Variants in PDE4D observed in about 807,000 individuals in gnomAD.
The protein encoded by PDE4D is phosphodiesterase 4D.
Under a neutral mutation model 87.4 loss-of-function variants are expected in PDE4D, and 24 were observed. The observed-to-expected ratio is 0.27, with a 90% CI of 0.20 to 0.39. The LOEUF (loss-of-function observed/expected upper bound fraction) is 0.39. Among genes scored for constraint, PDE4D ranks in the 10% least tolerant of loss-of-function variants. The pLI is 1.00. For missense variants in PDE4D, 714 were observed against 1,041.0 expected, an observed-to-expected ratio of 0.69 and a Z score of 4.32; for synonymous variants, 384 against 383.2, an observed-to-expected ratio of 1.00 and a Z score of -0.02.
intron 1 of PDE4D, among the ~76,000 whole-genome samples, chr5:60,280,951 C>T (rs1751832626): frequency 6.6e-6 from 1 of 152,218 alleles, no homozygotes. Flanking sequence ...ACATTAAGTT[C>T]ACCATTACTG....
chr5:59,739,261 A>G (rs1177607447), intron 1 of PDE4D, among the ~76,000 whole-genome samples: 3 of 152,094 alleles, frequency 2.0e-5, no homozygotes, highest in Non-Finnish European at 4.4e-5. Flanking sequence ...TTTTACTAAA[A>G]ATACAAAAAT....
At chr5:59,172,333 A>G (rs979378135) in intron 5 of PDE4D, among the ~76,000 whole-genome samples, 12 of 133,546 alleles carry the variant, frequency 9.0e-5, no homozygotes, top group African/African-American at 3.3e-4. Flanking sequence ...TATAATATAT[A>G]ATATATTATA....
chr5:59,526,107 A>G (rs1219108648), intron 1 of PDE4D, among the ~76,000 whole-genome samples: 2 of 152,214 alleles, frequency 1.3e-5, no homozygotes, highest in East Asian at 3.8e-4. Context: ...GTGATGCACA[A>G]TGGAGCAATG....
chr5:59,063,305 T>A (rs1763426666), intron 5 of PDE4D: 1 of 152,196 alleles, frequency 6.6e-6, no homozygotes, highest in Non-Finnish European at 1.5e-5. Flanking sequence ...ATTTGGCAAG[T>A]TAGTTCACTC....
intron 6 of PDE4D, among the ~76,000 whole-genome samples, chr5:58,998,351 T>G (rs1451952668): frequency 6.6e-6 from 1 of 152,148 alleles, no homozygotes; most frequent in Non-Finnish European, 1.5e-5. Context: ...ACATCAGTTG[T>G]GAGCTGGCTA....
chr5:60,237,884 T>C (rs949315662), intron 1 of PDE4D, among the ~76,000 whole-genome samples: 7 of 151,862 alleles, frequency 4.6e-5, no homozygotes, highest in Non-Finnish European at 7.4e-5. Context: ...TATGAATCTT[T>C]AATTATTATC....
chr5:59,673,337 A>G (rs1747525726), intron 1 of PDE4D, among the ~76,000 whole-genome samples: 1 of 152,188 alleles, frequency 6.6e-6, no homozygotes. Flanking sequence ...AAGCAAGTAT[A>G]AGATGTTTCC....
At chr5:59,986,632 T>C (rs1161058325) in intron 3 of PDE4D, 2 of 152,196 alleles carry the variant, frequency 1.3e-5, no homozygotes, top group African/African-American at 4.8e-5. Context: ...CAGGACTGTG[T>C]CAATTAAATA....
chr5:59,270,811 A>G (rs1581698813), intron 1 of PDE4D, among the ~76,000 whole-genome samples: 1 of 152,306 alleles, frequency 6.6e-6, no homozygotes, highest in East Asian at 1.9e-4. Context: ...CAAGCTGAAG[A>G]ACCAGAGCAC....
At chr5:60,367,788 G>A (rs1184209054) in intron 1 of PDE4D, among the ~76,000 whole-genome samples, 2 of 152,160 alleles carry the variant, frequency 1.3e-5, no homozygotes, top group Non-Finnish European at 2.9e-5. Flanking sequence ...GAGCCCATCA[G>A]AAGGACACAG....
At chr5:60,004,640 C>T (rs1284595251) in intron 2 of PDE4D, among the ~76,000 whole-genome samples, 1 of 151,974 alleles carries the variant, frequency 6.6e-6, no homozygotes, top group African/African-American at 2.4e-5. Flanking sequence ...CTCCAATAAC[C>T]CATTTTAAAA....
intron 5 of PDE4D, among the ~76,000 whole-genome samples, chr5:59,154,608 C>T (rs1349216739): frequency 2.6e-5 from 4 of 152,030 alleles, no homozygotes; most frequent in African/African-American, 4.8e-5. Context: ...CATTTGGGGC[C>T]GAGCATGGTG....
chr5:59,561,876 G>C (rs565567331), intron 1 of PDE4D, among the ~76,000 whole-genome samples: 1 of 151,006 alleles, frequency 6.6e-6, no homozygotes, highest in Non-Finnish European at 1.5e-5. Flanking sequence ...ATGTTGCAGT[G>C]AGCTGAGATC....
chr5:59,235,679 G>A (rs535639385), intron 1 of PDE4D, among the ~76,000 whole-genome samples: 6 of 152,236 alleles, frequency 3.9e-5, no homozygotes, highest in South Asian at 2.1e-4. Context: ...TTCTCTAGCC[G>A]AGCACAATGT....
chr5:59,940,298 G>C (rs996172989), intron 3 of PDE4D, among the ~76,000 whole-genome samples: 3 of 152,138 alleles, frequency 2.0e-5, no homozygotes, highest in African/African-American at 7.2e-5. Flanking sequence ...GATTAGATTT[G>C]AATTTCAAAG....
chr5:58,980,361 C>CT (rs576046498), intron 11 of PDE4D, among the ~76,000 whole-genome samples: 125 of 152,272 alleles, frequency 8.2e-4, no homozygotes, highest in African/African-American at 2.7e-3. Context: ...GAGCCCTCAC[C>CT]TTATACTGAC....
chr5:59,831,634 T>G (rs1442938576), intron 1 of PDE4D, among the ~76,000 whole-genome samples: 1 of 152,046 alleles, frequency 6.6e-6, no homozygotes, highest in Non-Finnish European at 1.5e-5. Flanking sequence ...CATTCTAAGT[T>G]TCAGAGACAG....
chr5:59,536,652 A>C (rs993837120), intron 1 of PDE4D, among the ~76,000 whole-genome samples: 1 of 152,062 alleles, frequency 6.6e-6, no homozygotes, highest in African/African-American at 2.4e-5. Context: ...ACTTTTTCCA[A>C]ATCTCTTAGA....
intron 11 of PDE4D, among the ~76,000 whole-genome samples, chr5:58,985,467 G>A (rs893110050): frequency 6.6e-6 from 1 of 152,092 alleles, no homozygotes; most frequent in Non-Finnish European, 1.5e-5. Context: ...GAAAAACGAA[G>A]AGCACATGTA....
Sources: gnomAD v4.1 joint callset for allele counts (sites outside exome capture counted in the v4.1 genomes callset) on GRCh38, gnomAD v4.1.1 for gene constraint, MANE v1.5 for transcripts, NCBI Gene and HGNC (gene_info 2026-07-23, HGNC 2026-07-21) for gene names.